AFAP1L2: variants seen among roughly 807,000 people sequenced by gnomAD.
AFAP1L2 encodes the protein actin filament associated protein 1 like 2, also known as actin filament-associated protein 1-like 2.
In AFAP1L2, 46 loss-of-function variants were observed where a neutral mutation model predicts 99.3. The ratio of observed to expected loss-of-function variants is 0.46; its 90% CI spans 0.37 to 0.59. AFAP1L2 has a LOEUF of 0.59. AFAP1L2 is among the 20% of genes least tolerant of loss of function. The pLI is 0.00. For missense variants in AFAP1L2, 959 were observed against 1,034.9 expected (o/e 0.93, Z 1.01); for synonymous variants, 397 against 419.1 (o/e 0.95, Z 0.64).
chr10:114,281,651 G>A, the AFAP1L2 span: 26 of 789,004 alleles, frequency 3.3e-5, no homozygotes, highest in East Asian at 1.3e-4. Flanking sequence ...GCAGAGCCTC[G>A]TGTGGACACT....
At chr10:114,350,772 T>C (rs2050349618) in intron 1 of AFAP1L2, among the ~76,000 whole-genome samples, 1 of 151,904 alleles carries the variant, frequency 6.6e-6, no homozygotes, top group African/African-American at 2.4e-5. Context: ...CCCCTAGGGA[T>C]CAGAATCAGA....
intron 5 of AFAP1L2, among the ~76,000 whole-genome samples, chr10:114,317,162 T>TTTGATTTTACTAAGAAGCACG (rs2044275941): frequency 6.6e-6 from 1 of 152,250 alleles, no homozygotes; most frequent in African/African-American, 2.4e-5. Flanking sequence ...AAGAAGCACG[T>TTTGATTTTACTAAGAAGCACG]TTGATTTTAC....
At chr10:114,394,070 C>A (rs1278761602) in intron 1 of AFAP1L2, among the ~76,000 whole-genome samples, 2 of 152,174 alleles carry the variant, frequency 1.3e-5, no homozygotes, top group African/African-American at 2.4e-5. Context: ...TGTTTAAGGA[C>A]CCACAGAAAG....
chr10:114,387,118 G>A (rs2056600063), intron 1 of AFAP1L2, among the ~76,000 whole-genome samples: 1 of 152,196 alleles, frequency 6.6e-6, no homozygotes, highest in Admixed American at 6.5e-5. Flanking sequence ...TCATTAGTCA[G>A]GAGCAAATTA....
chr10:114,337,581 C>T (rs757763267), intron 2 of AFAP1L2, among the ~76,000 whole-genome samples: 9 of 152,288 alleles, frequency 5.9e-5, no homozygotes, highest in African/African-American at 9.6e-5. Flanking sequence ...CCACCCCCTA[C>T]GAGCTGCAGA....
chr10:114,290,775 C>T (rs2039513095), downstream of AFAP1L2, among the ~76,000 whole-genome samples: 1 of 152,142 alleles, frequency 6.6e-6, no homozygotes, highest in Non-Finnish European at 1.5e-5. Flanking sequence ...GTGGTGGGAG[C>T]TGCTGGAAGC....
At chr10:114,356,382 C>T (rs1047911976) in intron 1 of AFAP1L2, among the ~76,000 whole-genome samples, 1 of 151,694 alleles carries the variant, frequency 6.6e-6, no homozygotes, top group East Asian at 1.9e-4. Context: ...CAAGAAACTT[C>T]GGTTTCCCCC....
Position 114,295,950 on chromosome 10 carries a change from G to GACTC in AFAP1L2, c.*88_*91dup, listed in dbSNP as rs1232329972. ...CAGTCTTTGCTTTTTCTTCTAAACA[G>GACTC]ACTCACCCTTTCGCATAGTTTTTGC... On this transcript the variant is annotated 3_prime_UTR_variant, in exon 19 of 19. Coordinates refer to ENST00000304129, the MANE Select transcript of AFAP1L2 (RefSeq NM_001001936.3). 8 of 1,610,042 alleles carry GACTC rather than the reference G, an allele frequency of 5.0e-6. No homozygotes were observed. The African/African-American group carries it at 6.7e-5, about 13-fold the overall frequency.
chr10:114,296,333 T>C (rs1039268570), intron 18 of AFAP1L2: 1 of 498,720 alleles, frequency 2.0e-6, no homozygotes, highest in South Asian at 2.7e-5. Context: ...CATGGATTTA[T>C]TGGTTAGCCA....
At chr10:114,294,322 GAT>G (rs1426827201), downstream of AFAP1L2, among the ~76,000 whole-genome samples, 1 of 152,064 alleles carries the variant, frequency 6.6e-6, no homozygotes, top group Non-Finnish European at 1.5e-5. Context: ...CTTTTACACT[GAT>G]ATATTCATAG....
intron 4 of AFAP1L2, among the ~76,000 whole-genome samples, chr10:114,324,728 G>T (rs973661376): frequency 6.6e-6 from 1 of 152,238 alleles, no homozygotes; most frequent in African/African-American, 2.4e-5. Flanking sequence ...GCACAGGCAG[G>T]CTGTGAGGTG....
rs181252058 is a variant in AFAP1L2, at chr10:114,390,418, C to T, written c.16+14022G>A. ...TTGCTAGATCGTATGGTAAGTGCATCTTCAATGCAATTAAGAAAAATCGGC... is the reference window on the plus strand; with the variant it reads ...TTGCTAGATCGTATGGTAAGTGCATTTTCAATGCAATTAAGAAAAATCGGC... On this transcript the variant is annotated intron_variant, in intron 1 of 18. Coordinates refer to ENST00000304129, the MANE Select transcript of AFAP1L2 (RefSeq NM_001001936.3). Among the ~76,000 whole-genome samples the T allele has an allele frequency of 2.6e-3, 396 of 152,256 alleles. 2 individuals are homozygous for T. The highest frequency in any genetic ancestry group is 0.014 in the Middle Eastern group (4 of 294).
intron 10 of AFAP1L2, among the ~76,000 whole-genome samples, chr10:114,306,495 C>T (rs1259820729): frequency 3.3e-5 from 5 of 151,994 alleles, no homozygotes; most frequent in African/African-American, 9.7e-5. Flanking sequence ...TTGGAAGCTG[C>T]CCTGAGCTTT....
At chr10:114,384,398 T>TC (rs1173693405) in intron 1 of AFAP1L2, among the ~76,000 whole-genome samples, 1 of 151,484 alleles carries the variant, frequency 6.6e-6, no homozygotes, top group Non-Finnish European at 1.5e-5. Flanking sequence ...GGGCCATTGT[T>TC]CCCCCCACAC....
intron 10 of AFAP1L2, among the ~76,000 whole-genome samples, chr10:114,305,730 A>G (rs1218924624): frequency 7.6e-5 from 8 of 104,782 alleles, no homozygotes; most frequent in South Asian, 3.7e-4. Flanking sequence ...CTACAGGAGG[A>G]GATGCAGATG....
Position 114,295,815 on chromosome 10 carries a change from T to G in AFAP1L2, c.*227A>C. The stretch of plus-strand genomic sequence containing the variant: ...CCCTAAATACAACGTCTTGTTTACA[T>G]CCAATAGACTTAGGTCTCCAAAGAA... On this transcript the variant is annotated 3_prime_UTR_variant, in exon 19 of 19. Transcript: ENST00000304129. 7.4e-7 allele frequency: 1 copy of G among 1,357,826 alleles called. No individual in the cohort carries two copies. Among genetic ancestry groups the G allele is most frequent in the African/African-American group, 1.5e-5 (1 of 68,538 alleles). 84.1% of individuals were successfully genotyped at this position (1,357,826 alleles called of 1,614,324 possible).
upstream of AFAP1L2, chr10:114,404,617 C>G (rs1361628490): frequency 3.9e-6 from 4 of 1,015,662 alleles, no homozygotes; most frequent in Non-Finnish European, 5.1e-6. Flanking sequence ...ACCTGGCCCC[C>G]GCCAGGGCTC....
At chr10:114,353,606 C>T (rs1008904656) in intron 1 of AFAP1L2, among the ~76,000 whole-genome samples, 1 of 152,192 alleles carries the variant, frequency 6.6e-6, no homozygotes, top group Non-Finnish European at 1.5e-5. Flanking sequence ...CTCCTGGCCC[C>T]AAGCCTAGAG....
intron 6 of AFAP1L2, 56 bp downstream of exon 6, chr10:114,315,504 C>T: frequency 6.8e-7 from 1 of 1,460,886 alleles, no homozygotes; most frequent in South Asian, 1.2e-5. Flanking sequence ...TTCCCTGTCC[C>T]TGCCCCTTCC....
Sources: gnomAD v4.1 joint callset for allele counts (sites outside exome capture counted in the v4.1 genomes callset) on GRCh38, gnomAD v4.1.1 for gene constraint, MANE v1.5 for transcripts, NCBI Gene and HGNC (gene_info 2026-07-23, HGNC 2026-07-21) for gene names.